The following MAML2 variants were observed in gnomAD, a reference collection of about 807,000 sequenced individuals.
MAML2 encodes mastermind-like protein 2.
A neutral mutation model predicts 96.1 loss-of-function variants in MAML2; 22 were observed. The ratio of observed to expected loss-of-function variants is 0.23; its 90% CI spans 0.16 to 0.33. The LOEUF (loss-of-function observed/expected upper bound fraction) is 0.33. Ranked by LOEUF, MAML2 falls within the 10% of genes least tolerant of loss-of-function variation. The pLI is 1.00. For missense variants in MAML2, 1,367 were observed against 1,392.4 expected (o/e 0.98, Z 0.29); for synonymous variants, 561 against 521.3 (o/e 1.08, Z -1.04).
chr11:96,140,011 C>T (rs1041976877), intron 1 of MAML2, among the ~76,000 whole-genome samples: 10 of 152,188 alleles, frequency 6.6e-5, no homozygotes, highest in African/African-American at 2.2e-4. Context: ...ACCATCAGAA[C>T]GAAAAGTTCT....
chr11:96,338,069 T>C (rs1309138674), intron 1 of MAML2, among the ~76,000 whole-genome samples: 1 of 152,214 alleles, frequency 6.6e-6, no homozygotes, highest in African/African-American at 2.4e-5. Flanking sequence ...ACCACTTATC[T>C]AGTGATCCTA....
chr11:96,039,672 C>T (rs1028022841), intron 2 of MAML2, among the ~76,000 whole-genome samples: 4 of 150,434 alleles, frequency 2.7e-5, no homozygotes, highest in African/African-American at 4.8e-5. Flanking sequence ...ATCGGCCGGG[C>T]GCGGTGGCTC....
chr11:96,196,615 C>T (rs1244613816), intron 1 of MAML2, among the ~76,000 whole-genome samples: 2 of 152,190 alleles, frequency 1.3e-5, no homozygotes, highest in African/African-American at 4.8e-5. Context: ...AGGGGATGCC[C>T]CCTCCCCATG....
chr11:96,291,874 C>T lies in MAML2; in HGVS notation c.513+49509G>A, dbSNP rs77855828. On this transcript the variant is annotated intron_variant, in intron 1 of 4. Coordinates refer to ENST00000524717, the MANE Select transcript of MAML2 (RefSeq NM_032427.4). ...TGTATATCACCTTTGCCCAGGAGCC[C>T]CTGCAATGTGAGTGGCTGGACTCTG... Among the ~76,000 whole-genome samples, 269 of 152,220 alleles carry T rather than the reference C, an allele frequency of 1.8e-3. 1 individual carries two copies. The highest frequency in any genetic ancestry group is 6.2e-3 in the African/African-American group (258 of 41,528).
chr11:96,019,310 G>A (rs1215041441), intron 2 of MAML2, among the ~76,000 whole-genome samples: 1 of 152,102 alleles, frequency 6.6e-6, no homozygotes, highest in Non-Finnish European at 1.5e-5. Context: ...TGTGGCTAGT[G>A]AAGTTATAAT....
chr11:96,119,828 A>G (rs1018970706), intron 1 of MAML2, among the ~76,000 whole-genome samples: 2 of 152,238 alleles, frequency 1.3e-5, no homozygotes, highest in Non-Finnish European at 1.5e-5. Flanking sequence ...TTATTTAAAT[A>G]TTAATTGTAG....
At chr11:96,166,382 T>C (rs975823975) in intron 1 of MAML2, among the ~76,000 whole-genome samples, 1 of 152,166 alleles carries the variant, frequency 6.6e-6, no homozygotes, top group Admixed American at 6.5e-5. Flanking sequence ...TAAAAGAAAG[T>C]GGTTATTTTC....
intron 2 of MAML2, among the ~76,000 whole-genome samples, chr11:96,027,264 T>C (rs1181752974): frequency 6.6e-6 from 1 of 152,214 alleles, no homozygotes; most frequent in Non-Finnish European, 1.5e-5. Flanking sequence ...TATAGAGTGC[T>C]ATTAAAGCTA....
chr11:96,322,420 G>A (rs897847237), intron 1 of MAML2, among the ~76,000 whole-genome samples: 1 of 152,174 alleles, frequency 6.6e-6, no homozygotes, highest in Non-Finnish European at 1.5e-5. Context: ...GAAAATGGGC[G>A]GGGCACAGTG....
chr11:96,086,234 G>A (rs1045614150), intron 2 of MAML2, among the ~76,000 whole-genome samples: 2 of 152,114 alleles, frequency 1.3e-5, no homozygotes, highest in Non-Finnish European at 2.9e-5. Context: ...CCAGTTCCTG[G>A]CACATTGTAG....
intron 2 of MAML2, among the ~76,000 whole-genome samples, chr11:96,032,024 T>C (rs1858624274): frequency 6.6e-6 from 1 of 152,028 alleles, no homozygotes; most frequent in Non-Finnish European, 1.5e-5. Context: ...AAATTACCCG[T>C]ATCTTTGTAC....
chr11:96,196,879 C>A (rs905192985), intron 1 of MAML2, among the ~76,000 whole-genome samples: 1 of 129,012 alleles, frequency 7.8e-6, no homozygotes. Context: ...CCACCCTCGG[C>A]TTTTTTTTTT....
intron 1 of MAML2, among the ~76,000 whole-genome samples, chr11:96,250,265 T>TA (rs1214250824): frequency 3.8e-5 from 5 of 131,592 alleles, no homozygotes; most frequent in Non-Finnish European, 6.4e-5. Context: ...TTTTTATTCT[T>TA]AAAATTTTAT....
chr11:96,016,391 C>T (rs1009930993), intron 2 of MAML2, among the ~76,000 whole-genome samples: 1 of 152,152 alleles, frequency 6.6e-6, no homozygotes. Context: ...CTGCTCCTAG[C>T]AGCCACAGGA....
chr11:96,184,580 T>C (rs1354190939), intron 1 of MAML2, among the ~76,000 whole-genome samples: 1 of 150,900 alleles, frequency 6.6e-6, no homozygotes, highest in Non-Finnish European at 1.5e-5. Context: ...ACTCTGAATA[T>C]AGTCATTTTA....
intron 2 of MAML2, among the ~76,000 whole-genome samples, chr11:95,999,789 G>A (rs898339215): frequency 2.6e-5 from 4 of 151,964 alleles, no homozygotes; most frequent in African/African-American, 7.2e-5. Context: ...CTAGGCATCC[G>A]CAATTTGCAA....
chr11:96,196,876 C>T (rs1186829131), intron 1 of MAML2, among the ~76,000 whole-genome samples: 2 of 137,286 alleles, frequency 1.5e-5, no homozygotes, highest in African/African-American at 5.5e-5. Context: ...CAACCACCCT[C>T]GGCTTTTTTT....
At chr11:96,090,027 T>C (rs1859679606) in intron 2 of MAML2, among the ~76,000 whole-genome samples, 1 of 49,820 alleles carries the variant, frequency 2.0e-5, no homozygotes, top group African/African-American at 8.8e-5. Flanking sequence ...ATAATGGCAT[T>C]TCCCTCATAC....
intron 3 of MAML2, among the ~76,000 whole-genome samples, chr11:95,985,984 A>G (rs1294285941): frequency 1.3e-5 from 2 of 152,202 alleles, no homozygotes; most frequent in Admixed American, 1.3e-4. Flanking sequence ...AAAAACAGAC[A>G]CAAACAAGGT....
Sources: gnomAD v4.1 joint callset for allele counts (sites outside exome capture counted in the v4.1 genomes callset) on GRCh38, gnomAD v4.1.1 for gene constraint, MANE v1.5 for transcripts, NCBI Gene and HGNC (gene_info 2026-07-23, HGNC 2026-07-21) for gene names.